The following TLN2 variants were observed in gnomAD, a reference collection of about 807,000 sequenced individuals.
TLN2 encodes talin-2.
A neutral mutation model predicts 294.7 loss-of-function variants in TLN2; 118 were observed. The ratio of observed to expected loss-of-function variants is 0.40; its 90% CI spans 0.34 to 0.47. TLN2 has a LOEUF of 0.47. Ranked by LOEUF, TLN2 falls within the 20% of genes least tolerant of loss-of-function variation. The pLI, the probability that TLN2 is intolerant of heterozygous loss-of-function variation, is 0.84. For missense variants in TLN2, 3,083 were observed against 3,282.2 expected, an observed-to-expected ratio of 0.94 and a Z score of 1.48; for synonymous variants, 1,431 against 1,304.5, an observed-to-expected ratio of 1.10 and a Z score of -2.09.
At chr15:62,825,842 TATAA>T (rs1668228280) in intron 54 of TLN2, among the ~76,000 whole-genome samples, 2 of 81,756 alleles carry the variant, frequency 2.4e-5, no homozygotes, top group East Asian at 6.8e-4. Flanking sequence ...ATATAATATA[TATAA>T]ATATATTATA....
At chr15:62,559,301 G>A (rs948333815) in intron 1 of TLN2, among the ~76,000 whole-genome samples, 1 of 152,130 alleles carries the variant, frequency 6.6e-6, no homozygotes, top group African/African-American at 2.4e-5. Flanking sequence ...GTTCTGCGTG[G>A]GCTACAATCT....
chr15:62,699,465 C>A (rs1031483539), intron 16 of TLN2, among the ~76,000 whole-genome samples: 50 of 151,916 alleles, frequency 3.3e-4, no homozygotes, highest in African/African-American at 1.1e-3. Flanking sequence ...ACACTGCATG[C>A]CTGGGGACTG....
At chr15:62,514,558 A>G (rs2040091114) in intron 1 of TLN2, among the ~76,000 whole-genome samples, 1 of 152,234 alleles carries the variant, frequency 6.6e-6, no homozygotes, top group African/African-American at 2.4e-5. Flanking sequence ...ACATACTGTA[A>G]GAAGAGATTT....
In TLN2 at chr15:62,820,525, C is replaced by T; in HGVS notation, c.6917C>T (p.Ala2306Val). Residue 2306 changes from alanine to valine, a missense_variant, in exon 54 of 59, where the codon GCA (alanine) becomes GTA (valine). Coordinates refer to ENST00000636159, the MANE Select transcript of TLN2 (RefSeq NM_015059.3). ...GATCCAGAAGACCCAACTGTCATTG[C>T]AGAAACAGAGTTACTGGGGGCTGCA... The part of the protein sequence containing the change: ...WVDPEDPTVI[A>V]ETELLGAAAS... The T allele has an allele frequency of 6.2e-7, 1 of 1,613,974 alleles. No individual in the cohort carries two copies. Among genetic ancestry groups the T allele is most frequent in the Non-Finnish European group, 8.5e-7 (1 of 1,179,928 alleles).
chr15:62,698,869 TA>T lies in TLN2; in HGVS notation c.1587+5del. On this transcript the variant is annotated splice_donor_region_variant and intron_variant, in intron 16 of 58. Coordinates refer to ENST00000636159, the MANE Select transcript of TLN2 (RefSeq NM_015059.3). ...CTGCCACCTCTCGGCCAGGATATGG[TA>T]AATACTGTTCAGTGGTTTTCATGCC... The T allele has an allele frequency of 6.2e-7, 1 of 1,611,370 alleles. No homozygotes were observed. The highest frequency in any genetic ancestry group is 8.5e-7 in the Non-Finnish European group (1 of 1,179,448).
intron 50 of TLN2, among the ~76,000 whole-genome samples, chr15:62,804,336 G>A (rs533941844): frequency 4.6e-5 from 7 of 152,310 alleles, no homozygotes; most frequent in East Asian, 3.9e-4. Context: ...GGCAGCGCAC[G>A]CCTGTAATTC....
chr15:62,515,733 C>A (rs1486031799), intron 1 of TLN2, among the ~76,000 whole-genome samples: 4 of 126,526 alleles, frequency 3.2e-5, no homozygotes, highest in Non-Finnish European at 6.5e-5. Context: ...TTTCACACAT[C>A]TGATTTTTTT....
At chr15:62,518,832 A>G (rs2040315761) in intron 1 of TLN2, among the ~76,000 whole-genome samples, 1 of 151,996 alleles carries the variant, frequency 6.6e-6, no homozygotes, top group South Asian at 2.1e-4. Context: ...TCTTGACCTT[A>G]AGTGATCCAC....
At chr15:62,754,168 A>G in intron 36 of TLN2, 1 of 385,788 alleles carries the variant, frequency 2.6e-6, no homozygotes, top group Non-Finnish European at 4.5e-6. Context: ...TGAGATTGAC[A>G]AGGAGTCTTC....
intron 3 of TLN2, among the ~76,000 whole-genome samples, chr15:62,632,690 T>G (rs1386560042): frequency 6.6e-6 from 1 of 152,222 alleles, no homozygotes; most frequent in Non-Finnish European, 1.5e-5. Context: ...GATAAATGGA[T>G]GTAGATTGAC....
At position 62,546,019 on chromosome 15, in the gene TLN2, G is replaced by A. The variant is rs1368439859; in HGVS notation, c.-237-43668G>A. Among the ~76,000 whole-genome samples the A allele has an allele frequency of 3.3e-5, 5 of 152,284 alleles. No individual in the cohort carries two copies. The South Asian group carries it at 6.2e-4, about 19-fold the overall frequency. On this transcript the variant is annotated intron_variant, in intron 1 of 58. Coordinates refer to ENST00000636159, the MANE Select transcript of TLN2 (RefSeq NM_015059.3). ...TAGAGCCAGAAATTCAGGACATGAG[G>A]TGGGGCTGGAACATTCTGGAATCTT...
chr15:62,432,596 G>A (rs1038167599), intron 1 of TLN2, among the ~76,000 whole-genome samples: 4 of 152,144 alleles, frequency 2.6e-5, no homozygotes, highest in African/African-American at 4.8e-5. Flanking sequence ...GAAAAGAACC[G>A]GAGGCATGCT....
chr15:62,741,925 A>AAC, intron 32 of TLN2, among the ~76,000 whole-genome samples: 1 of 151,806 alleles, frequency 6.6e-6, no homozygotes, highest in East Asian at 2.0e-4. Context: ...TGGGGGTATG[A>AAC]ACTACATCAT....
chr15:62,794,094 C>T (rs915028403), intron 46 of TLN2, among the ~76,000 whole-genome samples: 35 of 152,116 alleles, frequency 2.3e-4, no homozygotes, highest in African/African-American at 6.8e-4. Flanking sequence ...GGCCTTATAG[C>T]GGGAGCACCA....
intron 1 of TLN2, among the ~76,000 whole-genome samples, chr15:62,434,799 T>C (rs528457898): frequency 2.6e-5 from 4 of 152,308 alleles, no homozygotes; most frequent in East Asian, 1.9e-4. Flanking sequence ...CAGGGGAACA[T>C]GTGCAGGATA....
At chr15:62,597,102 C>T (rs2046594769) in intron 2 of TLN2, among the ~76,000 whole-genome samples, 1 of 152,182 alleles carries the variant, frequency 6.6e-6, no homozygotes, top group South Asian at 2.1e-4. Flanking sequence ...TGCTGTTCCC[C>T]TTTGCACCCT....
intron 1 of TLN2, among the ~76,000 whole-genome samples, chr15:62,491,059 C>G (rs975301815): frequency 1.3e-5 from 2 of 152,120 alleles, no homozygotes; most frequent in Admixed American, 1.3e-4. Flanking sequence ...TGGTGGCTCA[C>G]GCCTGTAATC....
intron 1 of TLN2, among the ~76,000 whole-genome samples, chr15:62,516,772 G>T (rs1421578489): frequency 6.6e-6 from 1 of 152,226 alleles, no homozygotes; most frequent in African/African-American, 2.4e-5. Context: ...GTCATTCTTA[G>T]TAGCTTTGCC....
Position 62,789,264 on chromosome 15 carries a change from G to A in TLN2, c.5737-3377G>A, listed in dbSNP as rs144431475. On this transcript the variant is annotated intron_variant, in intron 45 of 58. Coordinates refer to ENST00000636159, the MANE Select transcript of TLN2 (RefSeq NM_015059.3). Reference sequence around the variant, plus strand: ...TGACAGTTGCGTGACTTGGCACAGCGCTGAATATGGAGGCAAAGCCCTGGG... The same window carrying A: ...TGACAGTTGCGTGACTTGGCACAGCACTGAATATGGAGGCAAAGCCCTGGG... Among the ~76,000 whole-genome samples the A allele has an allele frequency of 1.2e-3, 190 of 152,288 alleles. 1 individual carries two copies. Among genetic ancestry groups the A allele is most frequent in the African/African-American group, 4.2e-3 (174 of 41,566 alleles).
Sources: gnomAD v4.1 joint callset for allele counts (sites outside exome capture counted in the v4.1 genomes callset) on GRCh38, gnomAD v4.1.1 for gene constraint, MANE v1.5 for transcripts, NCBI Gene and HGNC (gene_info 2026-07-23, HGNC 2026-07-21) for gene names.